ZNF624: variants seen among roughly 807,000 people sequenced by gnomAD.
The protein encoded by ZNF624 is zinc finger protein 624.
ZNF624 carries 43 observed loss-of-function variants against 74.7 expected under a neutral mutation model. The ratio of observed to expected loss-of-function variants is 0.58; its 90% CI spans 0.45 to 0.74. The LOEUF is 0.74. ZNF624 is among the 30% of genes least tolerant of loss of function. The probability of loss-of-function intolerance (pLI) is 0.00; values close to 1 mark genes in which losing one functional copy is unlikely to be tolerated. For synonymous variants in ZNF624, 331 were observed against 341.3 expected (o/e 0.97, Z 0.33); for missense variants, 820 against 1,030.0 (o/e 0.80, Z 2.79).
At chr17:16,639,457 T>C (rs1435017174) in intron 3 of ZNF624, among the ~76,000 whole-genome samples, 3 of 152,088 alleles carry the variant, frequency 2.0e-5, no homozygotes, top group Non-Finnish European at 2.9e-5. Context: ...ATGTACTGGG[T>C]TTTGTTTTCT....
rs1030438877 is a variant in ZNF624 at position 16,637,210 on chromosome 17, T to C, written c.154-2454A>G. ...AGGAGAACTACAAACCACTGCTCAA[T>C]GAAATAAAAGAGATACAAATGGAAG... On this transcript the variant is annotated intron_variant, in intron 3 of 5. Coordinates refer to ENST00000311331, the MANE Select transcript of ZNF624 (RefSeq NM_020787.4). 2.0e-5 allele frequency among the ~76,000 whole-genome samples: 3 copies of C among 152,038 alleles called. No individual in the cohort carries two copies. In the East Asian group the frequency reaches 5.8e-4, roughly 29 times the overall value.
rs1175964228 is a variant in ZNF624, at chr17:16,635,858, G to T, written c.154-1102C>A. 2.0e-5 allele frequency among the ~76,000 whole-genome samples: 3 copies of T among 146,536 alleles called. No individual in the cohort carries two copies. The Admixed American group carries it at 2.1e-4, about 10-fold the overall frequency. On this transcript the variant is annotated intron_variant, in intron 3 of 5. Coordinates refer to ENST00000311331, the MANE Select transcript of ZNF624 (RefSeq NM_020787.4). ...AGTTTGAATAGGAAGTATCACTAGAGATTCATGAAGCATTTTAAGAGAAAA... is the reference window on the plus strand; with the variant it reads ...AGTTTGAATAGGAAGTATCACTAGATATTCATGAAGCATTTTAAGAGAAAA...
Position 16,622,108 on chromosome 17 carries a change from TGA to T in ZNF624, c.*178_*179del, listed in dbSNP as rs1419515005. On this transcript the variant is annotated 3_prime_UTR_variant, in exon 6 of 6. Coordinates refer to ENST00000311331, the MANE Select transcript of ZNF624 (RefSeq NM_020787.4). ...TCATTTGTTCATTATTTTCCTCTAG[TGA>T]GAGTTTCCTTATAACTTCTAAGATT... is the stretch of plus-strand genomic sequence containing the variant. The T allele has an allele frequency of 4.8e-5, 21 of 436,760 alleles. No homozygotes were observed. Among genetic ancestry groups the T allele is most frequent in the Non-Finnish European group, 7.5e-5 (19 of 254,844 alleles). 27.1% of individuals were successfully genotyped at this position (436,760 alleles called of 1,614,324 possible).
downstream of ZNF624, chr17:16,617,696 G>A: frequency 6.2e-7 from 1 of 1,604,752 alleles, no homozygotes; most frequent in Non-Finnish European, 8.5e-7. Flanking sequence ...TCACGCGCTC[G>A]CCGCAGAGCT....
chr17:16,650,270 A>G (rs1051388027), intron 1 of ZNF624, among the ~76,000 whole-genome samples: 3 of 152,130 alleles, frequency 2.0e-5, no homozygotes, highest in African/African-American at 7.2e-5. Context: ...ACATTTTCAG[A>G]GATCTGTTTC....
intron 3 of ZNF624, among the ~76,000 whole-genome samples, chr17:16,643,473 G>A (rs1909513689): frequency 6.6e-6 from 1 of 152,132 alleles, no homozygotes; most frequent in Non-Finnish European, 1.5e-5. Context: ...TCCAGAATAG[G>A]CAAATCTATA....
At chr17:16,626,589 T>C (rs1286626743) in intron 5 of ZNF624, among the ~76,000 whole-genome samples, 1 of 151,868 alleles carries the variant, frequency 6.6e-6, no homozygotes, top group Non-Finnish European at 1.5e-5. Context: ...CCCATCTCTA[T>C]AAAAAATTAA....
downstream of ZNF624, among the ~76,000 whole-genome samples, chr17:16,615,753 A>G (rs1908779204): frequency 6.6e-6 from 1 of 151,944 alleles, no homozygotes; most frequent in African/African-American, 2.4e-5. Context: ...GGATGTCTAC[A>G]AATCCTATTT....
intron 1 of ZNF624, 40 bp downstream of exon 1, chr17:16,653,724 C>G (rs1909786949): frequency 6.5e-6 from 1 of 152,936 alleles, no homozygotes; most frequent in Admixed American, 6.5e-5. Context: ...AAGGGAGGGG[C>G]GGCGGGCAAC....
At chr17:16,615,934 T>C (rs1908781422), downstream of ZNF624, among the ~76,000 whole-genome samples, 1 of 137,590 alleles carries the variant, frequency 7.3e-6, no homozygotes, top group Non-Finnish European at 1.5e-5. Context: ...TAAGATCAAC[T>C]TTAAAAAATC....
At chr17:16,628,237 T>C (rs111794134) in intron 5 of ZNF624, among the ~76,000 whole-genome samples, 34 of 152,072 alleles carry the variant, frequency 2.2e-4, no homozygotes, top group Middle Eastern at 6.8e-3. Context: ...CACTCCAGCC[T>C]GGGTAAAAGA....
intron 5 of ZNF624, among the ~76,000 whole-genome samples, chr17:16,628,054 G>A (rs930434391): frequency 5.3e-5 from 8 of 152,192 alleles, no homozygotes; most frequent in Non-Finnish European, 8.8e-5. Flanking sequence ...GAGGCCAGGA[G>A]TTCGAGACCA....
In ZNF624 at chr17:16,622,577, T is replaced by G. The variant is rs138987727; in HGVS notation, c.2309A>C (p.His770Pro). 6.2e-7 allele frequency: 1 copy of G among 1,613,940 alleles called. No homozygotes were observed. Among genetic ancestry groups the G allele is most frequent in the African/African-American group, 1.3e-5 (1 of 74,916 alleles). The part of the protein sequence containing the change: ...AFRRGSYLTV[H>P]WRTHTGEKPY... ...TTTTTCTCCAGTGTGTGTTCTCCAATGCACTGTAAGGTAAGAACCCCTCCT... is the reference window on the plus strand; with the variant it reads ...TTTTTCTCCAGTGTGTGTTCTCCAAGGCACTGTAAGGTAAGAACCCCTCCT... The change falls in exon 6 of 6, where the codon CAT becomes CCT. Residue 770 changes from histidine to proline, a missense_variant. His to Pro is a moderately conservative substitution (Grantham distance 77). Transcript: ENST00000311331.
intron 3 of ZNF624, among the ~76,000 whole-genome samples, chr17:16,637,137 T>G (rs1376947675): frequency 5.3e-5 from 8 of 152,078 alleles, no homozygotes; most frequent in Non-Finnish European, 1.2e-4. Flanking sequence ...TCAAAGAGAA[T>G]AAAATACCTA....
At chr17:16,651,833 G>GATCAAAAC (rs1465342389) in intron 1 of ZNF624, among the ~76,000 whole-genome samples, 1 of 152,094 alleles carries the variant, frequency 6.6e-6, no homozygotes, top group Non-Finnish European at 1.5e-5. Flanking sequence ...CCCCATCCAA[G>GATCAAAAC]ATCAAAATCA....
At chr17:16,634,872 A>T (rs1331253460) in intron 3 of ZNF624, 116 bp from the exon 4 acceptor site, 15 of 893,052 alleles carry the variant, frequency 1.7e-5, no homozygotes, top group Non-Finnish European at 2.3e-5. Flanking sequence ...ATGATCATGT[A>T]GGTCAACCAG....
downstream of ZNF624, chr17:16,617,671 G>A: frequency 1.2e-6 from 2 of 1,606,132 alleles, no homozygotes; most frequent in East Asian, 2.3e-5. Flanking sequence ...CGCGGGCCCC[G>A]GGCGTGCTCT....
At chr17:16,618,315 AAAAC>A (rs1472008771), downstream of ZNF624, among the ~76,000 whole-genome samples, 9 of 152,210 alleles carry the variant, frequency 5.9e-5, no homozygotes, top group East Asian at 1.9e-4. Flanking sequence ...ATCCAACTCA[AAAAC>A]AAACAACAAC....
At chr17:16,646,369 T>C (rs1332923665) in intron 3 of ZNF624, among the ~76,000 whole-genome samples, 3 of 152,310 alleles carry the variant, frequency 2.0e-5, no homozygotes, top group Non-Finnish European at 4.4e-5. Context: ...ATGTATTTTC[T>C]CATAGAAGCA....
Sources: gnomAD v4.1 joint callset for allele counts (sites outside exome capture counted in the v4.1 genomes callset) on GRCh38, gnomAD v4.1.1 for gene constraint, MANE v1.5 for transcripts, NCBI Gene and HGNC (gene_info 2026-07-23, HGNC 2026-07-21) for gene names.